IPO11: variants seen among roughly 807,000 people sequenced by gnomAD.
The protein encoded by IPO11 is importin-11.
IPO11 carries 66 observed loss-of-function variants against 143.2 expected under a neutral mutation model. That is an observed-to-expected ratio of 0.46 (90% CI 0.38 to 0.57). The LOEUF is 0.57. Ranked by LOEUF, IPO11 falls within the 20% of genes least tolerant of loss-of-function variation. The probability of loss-of-function intolerance (pLI) is 0.00; values close to 1 mark genes in which losing one functional copy is unlikely to be tolerated. For missense variants in IPO11, 1,026 were observed against 1,141.0 expected (o/e 0.90, Z 1.45); for synonymous variants, 385 against 377.8 (o/e 1.02, Z -0.22).
chr5:62,495,449 T>C (rs1741100289), intron 16 of IPO11, among the ~76,000 whole-genome samples: 1 of 152,204 alleles, frequency 6.6e-6, no homozygotes, highest in South Asian at 2.1e-4. Context: ...CTTTGGGAAA[T>C]AGAGAAATTG....
intron 28 of IPO11, among the ~76,000 whole-genome samples, chr5:62,595,631 G>A (rs919058095): frequency 3.9e-5 from 6 of 152,018 alleles, no homozygotes; most frequent in South Asian, 2.1e-4. Flanking sequence ...GCCTATTAAC[G>A]TTGATACTAG....
At chr5:62,506,423 A>G in intron 19 of IPO11, 66 bp downstream of exon 19, 1 of 849,598 alleles carries the variant, frequency 1.2e-6, no homozygotes, top group Non-Finnish European at 1.9e-6. Flanking sequence ...ATTCATTAAT[A>G]TCCTTGACTA....
At chr5:62,589,125 C>T (rs1237739852) in intron 27 of IPO11, among the ~76,000 whole-genome samples, 1 of 152,154 alleles carries the variant, frequency 6.6e-6, no homozygotes, top group Non-Finnish European at 1.5e-5. Flanking sequence ...CCTGCTCCTT[C>T]AGCCACCCCT....
chr5:62,439,974 G>T (rs904137598), intron 2 of IPO11, among the ~76,000 whole-genome samples: 1 of 152,110 alleles, frequency 6.6e-6, no homozygotes, highest in African/African-American at 2.4e-5. Context: ...TCTTATTTTT[G>T]TAAGTGTATT....
intron 1 of IPO11, among the ~76,000 whole-genome samples, chr5:62,428,921 C>T (rs1743865061): frequency 6.6e-6 from 1 of 152,156 alleles, no homozygotes; most frequent in Non-Finnish European, 1.5e-5. Flanking sequence ...CCTGCCTAAA[C>T]CTCCCAAAGT....
intron 12 of IPO11, among the ~76,000 whole-genome samples, chr5:62,485,951 G>A (rs780381675): frequency 1.4e-4 from 21 of 147,736 alleles, no homozygotes; most frequent in South Asian, 2.1e-4. Context: ...AAATTATGAC[G>A]TTTAATCTGA....
intron 27 of IPO11, among the ~76,000 whole-genome samples, chr5:62,567,558 CTTTTTTT>C (rs34740276): frequency 1.4e-5 from 1 of 70,188 alleles, no homozygotes; most frequent in Non-Finnish European, 2.4e-5. Flanking sequence ...CTTACATTTC[CTTTTTTT>C]TTTTTTTTTT....
intron 16 of IPO11, among the ~76,000 whole-genome samples, chr5:62,498,142 TTAAA>T (rs1741223226): frequency 6.6e-6 from 1 of 152,178 alleles, no homozygotes; most frequent in Non-Finnish European, 1.5e-5. Flanking sequence ...TTATGGAAGA[TTAAA>T]TACTGTTTTC....
chr5:62,515,205 A>G (rs1391496302), intron 19 of IPO11, among the ~76,000 whole-genome samples, 183 bp from the exon 20 acceptor site: 5 of 152,184 alleles, frequency 3.3e-5, no homozygotes, highest in Non-Finnish European at 5.9e-5. Context: ...TATTTACTAT[A>G]GAGCCCTGGG....
chr5:62,581,697 A>C (rs998229812), intron 27 of IPO11, among the ~76,000 whole-genome samples: 4 of 152,132 alleles, frequency 2.6e-5, no homozygotes, highest in African/African-American at 9.7e-5. Context: ...TCATGCTTTC[A>C]GTTTTATACT....
chr5:62,448,979 A>G (rs1288004756), intron 3 of IPO11, among the ~76,000 whole-genome samples: 2 of 152,154 alleles, frequency 1.3e-5, no homozygotes, highest in Non-Finnish European at 2.9e-5. Context: ...TTTAATTCTG[A>G]TACCCAGAAT....
chr5:62,475,429 T>G (rs1745923614), intron 8 of IPO11, among the ~76,000 whole-genome samples: 2 of 152,090 alleles, frequency 1.3e-5, no homozygotes, highest in African/African-American at 4.8e-5. Flanking sequence ...ACGGATTGAT[T>G]GAGCCTGAGA....
chr5:62,565,215 T>A (rs541374475), intron 27 of IPO11, among the ~76,000 whole-genome samples: 9 of 152,256 alleles, frequency 5.9e-5, no homozygotes, highest in African/African-American at 2.2e-4. Flanking sequence ...CCAGGCACAG[T>A]GGGCTCACAC....
intron 1 of IPO11, among the ~76,000 whole-genome samples, chr5:62,431,166 G>A (rs1743973101): frequency 6.6e-6 from 1 of 151,442 alleles, no homozygotes; most frequent in Non-Finnish European, 1.5e-5. Flanking sequence ...TTTTAGTAGA[G>A]ATGGGGTTTG....
chr5:62,435,192 A>ATATATG (rs1561309163), intron 1 of IPO11, among the ~76,000 whole-genome samples: 13 of 83,686 alleles, frequency 1.6e-4, no homozygotes, highest in African/African-American at 4.5e-4. Context: ...ATATATATGT[A>ATATATG]TATATATGTA....
At chr5:62,601,929 T>A in intron 29 of IPO11, 81 bp downstream of exon 29, 1 of 813,096 alleles carries the variant, frequency 1.2e-6, no homozygotes, top group Non-Finnish European at 1.9e-6. Context: ...TATGGTCTAT[T>A]TGTCCATCCA....
At chr5:62,580,725 G>A (rs186193113) in intron 27 of IPO11, 26 of 1,551,344 alleles carry the variant, frequency 1.7e-5, no homozygotes, top group Admixed American at 1.2e-4. Context: ...AGACTACTGC[G>A]CTAATGATGG....
chr5:62,477,147 G>A (rs767687241), intron 9 of IPO11, among the ~76,000 whole-genome samples: 2 of 152,094 alleles, frequency 1.3e-5, no homozygotes, highest in African/African-American at 2.4e-5. Context: ...GACTATCTTC[G>A]TCCATACTAA....
chr5:62,561,510 G>T (rs1743770889), intron 27 of IPO11, among the ~76,000 whole-genome samples: 1 of 151,774 alleles, frequency 6.6e-6, no homozygotes, highest in African/African-American at 2.4e-5. Flanking sequence ...TTTCATTCTT[G>T]TCTGAATTTC....
Sources: gnomAD v4.1 joint callset for allele counts (sites outside exome capture counted in the v4.1 genomes callset) on GRCh38, gnomAD v4.1.1 for gene constraint, MANE v1.5 for transcripts, NCBI Gene and HGNC (gene_info 2026-07-23, HGNC 2026-07-21) for gene names.